The following GSTM2 variants were observed in gnomAD, a reference collection of about 807,000 sequenced individuals.
GSTM2 encodes GST class-mu 2.
GSTM2 carries 33 observed loss-of-function variants against 33.3 expected under a neutral mutation model. The observed-to-expected ratio is 0.99, with a 90% CI of 0.75 to 1.33. The LOEUF (loss-of-function observed/expected upper bound fraction) is 1.33. Among genes scored for constraint, GSTM2 ranks in the 40% most tolerant of loss-of-function variants. GSTM2 has a pLI of 0.00. For synonymous variants in GSTM2, 93 were observed against 95.6 expected, an observed-to-expected ratio of 0.97 and a Z score of 0.16; for missense variants, 213 against 265.8, an observed-to-expected ratio of 0.80 and a Z score of 1.38.
In GSTM2 at chr1:109,668,793, A is replaced by T; in HGVS notation, c.113-132A>T. 3.7e-6 allele frequency: 4 copies of T among 1,068,528 alleles called. No homozygotes were observed. In the South Asian group the frequency reaches 3.9e-5, roughly 10 times the overall value. The allele number at this position is 1,068,528 out of a possible 1,614,324, so 66.2% of individuals were successfully genotyped here. On this transcript the variant is annotated intron_variant, in intron 2 of 7. Coordinates refer to ENST00000241337, the MANE Select transcript of GSTM2 (RefSeq NM_000848.4). ...GAATTCTTTTTCTCTGAATCCTGGG[A>T]TGTGGGACTGAGTGGTCAGATTCTA... is the stretch of plus-strand genomic sequence containing the variant.
At chr1:109,670,224 A>C (rs894802423) in intron 5 of GSTM2, 31 of 152,408 alleles carry the variant, frequency 2.0e-4, no homozygotes, top group African/African-American at 7.5e-4. Flanking sequence ...GTTTTTACAG[A>C]GTGCTGATTG....
intron 1 of GSTM2, 127 bp from the exon 2 acceptor site, chr1:109,668,298 C>T: frequency 8.1e-7 from 1 of 1,230,692 alleles, no homozygotes; most frequent in Non-Finnish European, 1.2e-6. Context: ...GTGCGTGTGG[C>T]TGGGCGTGCG....
chr1:109,681,853 T>C (rs1279458922), intron 7 of GSTM2: 1 of 1,596,786 alleles, frequency 6.3e-7, no homozygotes, highest in Admixed American at 1.7e-5. Flanking sequence ...CAGTGATTTA[T>C]AATCATCCTT....
chr1:109,668,286 C>G, intron 1 of GSTM2, 135 bp downstream of exon 1: 1 of 1,260,388 alleles, frequency 7.9e-7, no homozygotes. Flanking sequence ...TTGCCGCTGT[C>G]TGTGCGTGTG....
intron 2 of GSTM2, 182 bp downstream of exon 2, chr1:109,668,682 C>T: frequency 1.2e-6 from 1 of 830,028 alleles, no homozygotes; most frequent in Non-Finnish European, 2.0e-6. Context: ...ATGCTGGGCC[C>T]CCGTCTGGGT....
intron 7 of GSTM2, among the ~76,000 whole-genome samples, chr1:109,672,529 G>T (rs898198926): frequency 6.6e-6 from 1 of 152,188 alleles, no homozygotes; most frequent in South Asian, 2.1e-4. Flanking sequence ...TCTATGGTTG[G>T]CAGTCAGGGC....
At position 109,668,125 on chromosome 1, in the gene GSTM2, A is replaced by T. The variant is rs1241978303; in HGVS notation, c.10A>T (p.Thr4Ser). 1 of 1,613,754 alleles carries T rather than the reference A, an allele frequency of 6.2e-7. No homozygotes were observed. The highest frequency in any genetic ancestry group is 8.5e-7 in the Non-Finnish European group (1 of 1,179,880). ...CACAGCAACCAGCACCATGCCCATGACACTGGGGTACTGGAACATCCGCGG... is the reference window on the plus strand; with the variant it reads ...CACAGCAACCAGCACCATGCCCATGTCACTGGGGTACTGGAACATCCGCGG... MPMTLGYWNIRGLA... is the reference protein window; with the variant it reads MPMSLGYWNIRGLA... The change falls in exon 1 of 8, where the codon ACA becomes TCA. Residue 4 changes from threonine to serine, a missense_variant. By Grantham distance (58) the Thr-to-Ser change is moderately conservative. Coordinates refer to ENST00000241337, the MANE Select transcript of GSTM2 (RefSeq NM_000848.4).
intron 2 of GSTM2, 129 bp downstream of exon 2, chr1:109,668,629 C>A: frequency 8.9e-7 from 1 of 1,124,272 alleles, no homozygotes; most frequent in Non-Finnish European, 1.3e-6. Context: ...CTTCCCTGAG[C>A]CCTGGTGAGG....
At chr1:109,668,622 C>T in intron 2 of GSTM2, 122 bp downstream of exon 2, 1 of 1,156,368 alleles carries the variant, frequency 8.6e-7, no homozygotes, top group Non-Finnish European at 1.3e-6. Flanking sequence ...GCTGTCCCTT[C>T]CCTGAGCCCT....
intron 2 of GSTM2, 62 bp downstream of exon 2, chr1:109,668,562 T>C: frequency 6.4e-7 from 1 of 1,570,910 alleles, no homozygotes. Context: ...AAGCAACCGA[T>C]AGTGGCCACC....
At chr1:109,669,160 G>A (rs1490262436) in intron 3 of GSTM2, 130 bp from the exon 4 acceptor site, 4 of 1,273,072 alleles carry the variant, frequency 3.1e-6, no homozygotes, top group South Asian at 2.4e-5. Flanking sequence ...TCATTTATTA[G>A]TGTGACAGTA....
chr1:109,671,584 G>A lies in GSTM2; in HGVS notation c.567+1G>A. The A allele has an allele frequency of 6.7e-7, 1 of 1,501,556 alleles. No homozygotes were observed. Among genetic ancestry groups the A allele is most frequent in the East Asian group, 2.3e-5 (1 of 44,392 alleles). The allele number at this position is 1,501,556 out of a possible 1,614,324, so 93.0% of individuals were successfully genotyped here. On this transcript the variant is annotated splice_donor_variant, in intron 7 of 7. Coordinates refer to ENST00000241337, the MANE Select transcript of GSTM2 (RefSeq NM_000848.4). LOFTEE classifies it high-confidence loss of function. The stretch of plus-strand genomic sequence containing the variant: ...GAAGGACTTCATCTCCCGATTTGAG[G>A]TGATGCCCCCAGCCTCCTTTCTCTT...
At chr1:109,677,302 C>T (rs1476513455), downstream of GSTM2, among the ~76,000 whole-genome samples, 1 of 152,160 alleles carries the variant, frequency 6.6e-6, no homozygotes, top group Non-Finnish European at 1.5e-5. Context: ...GAAATCCCAC[C>T]CTACAGGAAT....
At chr1:109,682,857 A>T (rs1331640160) in intron 7 of GSTM2, among the ~76,000 whole-genome samples, 8 of 117,612 alleles carry the variant, frequency 6.8e-5, no homozygotes, top group Admixed American at 3.4e-4. Flanking sequence ...TCCATGAATT[A>T]GGATACATTT....
intron 1 of GSTM2, 102 bp from the exon 2 acceptor site, chr1:109,668,323 G>C: frequency 7.0e-7 from 1 of 1,425,940 alleles, no homozygotes; most frequent in Non-Finnish European, 9.9e-7. Flanking sequence ...GGGGGCGGGT[G>C]AGGCAGGAAC....
At chr1:109,673,415 T>A in intron 7 of GSTM2, 1 of 835,116 alleles carries the variant, frequency 1.2e-6, no homozygotes, top group Non-Finnish European at 1.8e-6. Flanking sequence ...ACTACAGATT[T>A]GGGGATTTGA....
chr1:109,670,345 G>A (rs1647488658), intron 5 of GSTM2: 1 of 151,910 alleles, frequency 6.6e-6, no homozygotes, highest in Non-Finnish European at 1.5e-5. Context: ...AGCCCAGCCA[G>A]CTTCACCTCT....
At chr1:109,673,127 C>T (rs908216635) in intron 7 of GSTM2, 35 of 1,574,390 alleles carry the variant, frequency 2.2e-5, no homozygotes, top group Non-Finnish European at 2.4e-5. Context: ...ACCTCAGCCT[C>T]CCTAAGTGCT....
Position 109,668,156 on chromosome 1 carries a change from G to C in GSTM2, c.36+5G>C, listed in dbSNP as rs1460883571. On this transcript the variant is annotated splice_donor_5th_base_variant and intron_variant, in intron 1 of 7. Transcript: ENST00000241337. ...GGGTACTGGAACATCCGCGGGGTGA[G>C]CCAGGGTCCGCTGGGCGGTGGGACG... The C allele has an allele frequency of 6.2e-7, 1 of 1,613,320 alleles. No homozygotes were observed. Among genetic ancestry groups the C allele is most frequent in the Admixed American group, 1.7e-5 (1 of 60,000 alleles).
Sources: allele counts gnomAD v4.1 joint callset (sites outside exome capture counted in the v4.1 genomes callset), GRCh38; gene constraint gnomAD v4.1.1; transcripts MANE v1.5; gene names NCBI Gene and HGNC (gene_info 2026-07-23, HGNC 2026-07-21).